The following OXGR1 variants were observed in gnomAD, a reference collection of about 807,000 sequenced individuals.
OXGR1 encodes oxoglutarate receptor 1.
A neutral mutation model predicts 10.0 loss-of-function variants in OXGR1; 10 were observed. The observed-to-expected ratio is 1.00, with a 90% CI of 0.62 to 1.70. OXGR1 has a LOEUF of 1.70. Ranked by LOEUF, OXGR1 falls within the 40% of genes most tolerant of loss-of-function variation. The pLI is 0.00. For synonymous variants in OXGR1, 191 were observed against 155.9 expected, an observed-to-expected ratio of 1.22 and a Z score of -1.68; for missense variants, 398 against 407.6, an observed-to-expected ratio of 0.98 and a Z score of 0.20.
chr13:96,986,898 T>C lies in OXGR1; in HGVS notation c.862A>G (p.Arg288Gly). The change falls in exon 4 of 4, where the codon AGA becomes GGA. Residue 288 changes from arginine to glycine, a missense_variant. Transcript: ENST00000541038. ...AAGGTGTTCAGAGCAGCTAATGGTC[T>C]AGAAACGATGTAAGCTTCATGGATC... is the stretch of plus-strand genomic sequence containing the variant. ...NQIHEAYIVS[R>G]PLAALNTFGN... is the part of the protein sequence containing the mutation. 6.2e-7 allele frequency: 1 copy of C among 1,614,168 alleles called. No individual in the cohort carries two copies. The highest frequency in any genetic ancestry group is 8.5e-7 in the Non-Finnish European group (1 of 1,180,014).
At chr13:96,988,308 G>A (rs1047693814) in intron 3 of OXGR1, among the ~76,000 whole-genome samples, 9 of 152,038 alleles carry the variant, frequency 5.9e-5, no homozygotes, top group Non-Finnish European at 1.2e-4. Context: ...CACATCTAGG[G>A]GCTTAGCTGG....
At chr13:96,993,854 C>G (rs1882182666) in intron 1 of OXGR1, among the ~76,000 whole-genome samples, 1 of 152,114 alleles carries the variant, frequency 6.6e-6, no homozygotes. Context: ...TCCAACACCA[C>G]ACAGTCCACC....
intron 2 of OXGR1, among the ~76,000 whole-genome samples, 190 bp downstream of exon 2, chr13:96,992,232 G>T (rs1006558511): frequency 6.6e-6 from 1 of 152,088 alleles, no homozygotes; most frequent in Non-Finnish European, 1.5e-5. Flanking sequence ...AAATAAAGAA[G>T]GTAAGTGGAT....
In OXGR1 at chr13:96,990,444, G is replaced by A. The variant is rs142210271; in HGVS notation, c.-126-635C>T. Among the ~76,000 whole-genome samples, 1,370 of 152,292 alleles carry A rather than the reference G, an allele frequency of 9.0e-3. 6 individuals carry two copies. The highest frequency in any genetic ancestry group is 0.037 in the Middle Eastern group (11 of 294). On this transcript the variant is annotated intron_variant, in intron 2 of 3. Transcript: ENST00000541038. The stretch of plus-strand genomic sequence containing the variant: ...CAACAGAGACGTGAGAGGAAGAGAA[G>A]GGGAGGGAATTCAAGTCCAAGCTGC...
intron 2 of OXGR1, among the ~76,000 whole-genome samples, chr13:96,990,292 A>G (rs1881987527): frequency 6.6e-6 from 1 of 152,232 alleles, no homozygotes; most frequent in Non-Finnish European, 1.5e-5. Flanking sequence ...TCCCAAAGAC[A>G]GTTCTTAGAT....
At chr13:96,990,183 C>G (rs1278494417) in intron 2 of OXGR1, among the ~76,000 whole-genome samples, 1 of 152,126 alleles carries the variant, frequency 6.6e-6, no homozygotes, top group Non-Finnish European at 1.5e-5. Context: ...TGGCTTCTCC[C>G]TTGGCAGAAT....
chr13:96,987,616 A>T lies in OXGR1; in HGVS notation c.144T>A (p.Phe48Leu), dbSNP rs753805548. 6.2e-7 allele frequency: 1 copy of T among 1,614,038 alleles called. No individual in the cohort carries two copies. Among genetic ancestry groups the T allele is most frequent in the African/African-American group, 1.3e-5 (1 of 74,944 alleles). ...VIYGIIFLVG[F>L]PGNAVVISTY... is the part of the protein sequence containing the mutation. ...TGGATATCACTACTGCATTGCCTGG[A>T]AATCCCACGAGGAAGATAATGCCAT... is the stretch of plus-strand genomic sequence containing the variant. Residue 48 changes from phenylalanine to leucine, a missense_variant, in exon 4 of 4, where the codon TTT becomes TTA. Physicochemically the swap from Phe to Leu is conservative, Grantham distance 22. Coordinates refer to ENST00000541038, the MANE Select transcript of OXGR1 (RefSeq NM_001346194.2).
In OXGR1 at chr13:96,987,487, G is replaced by A. The variant is rs930078235; in HGVS notation, c.273C>T (p.His91=). 6.2e-7 allele frequency: 1 copy of A among 1,614,224 alleles called. No homozygotes were observed. The highest frequency in any genetic ancestry group is 8.5e-7 in the Non-Finnish European group (1 of 1,180,042). Residue 91 remains histidine (H), a synonymous_variant, in exon 4 of 4, where the codon CAC becomes CAT. Transcript: ENST00000541038. ...LYLTSLPFLI[H]YYASGENWIF... ...TCCAGTTTTCGCCACTGGCATAGTA[G>A]TGAATCAGGAAGGGGAGGCTGGTCA... is the stretch of plus-strand genomic sequence containing the variant.
In OXGR1 at chr13:96,987,042, G is replaced by C; in HGVS notation, c.718C>G (p.Arg240Gly). The C allele has an allele frequency of 1.2e-6, 2 of 1,614,198 alleles. No individual in the cohort carries two copies. Among genetic ancestry groups the C allele is most frequent in the Non-Finnish European group, 1.7e-6 (2 of 1,180,016 alleles). The change falls in exon 4 of 4, where the codon CGA becomes GGA. Residue 240 changes from arginine (R) to glycine (G), a missense_variant. By Grantham distance (125) the Arg-to-Gly change is moderately radical. Coordinates refer to ENST00000541038, the MANE Select transcript of OXGR1 (RefSeq NM_001346194.2). ...AGGAGTAGCAGAATGGTTAGCCTTC[G>C]TGCTTTCTGCTTAAGGCAGCTGTCA... ...QTDSCLKQKA[R>G]RLTILLLLAF...
intron 2 of OXGR1, among the ~76,000 whole-genome samples, chr13:96,991,387 T>A (rs1177563201): frequency 1.3e-5 from 2 of 152,168 alleles, no homozygotes; most frequent in Non-Finnish European, 2.9e-5. Flanking sequence ...AAACAAATCA[T>A]TTCAACTCAA....
intron 3 of OXGR1, among the ~76,000 whole-genome samples, chr13:96,989,164 A>G (rs1364689788): frequency 6.6e-6 from 1 of 152,236 alleles, no homozygotes; most frequent in Admixed American, 6.5e-5. Flanking sequence ...TTGATGTATG[A>G]ATGGTACAAG....
chr13:96,993,176 C>T lies in OXGR1; in HGVS notation c.-277-604G>A, dbSNP rs564100326. ...CCCTTCTGGGAGCCTCAAGGCTCTTCCCTCAATCCCCACTTTATTGTTTTT... is the reference window on the plus strand; with the variant it reads ...CCCTTCTGGGAGCCTCAAGGCTCTTTCCTCAATCCCCACTTTATTGTTTTT... On this transcript the variant is annotated intron_variant, in intron 1 of 3. Transcript: ENST00000541038. 4.4e-4 allele frequency among the ~76,000 whole-genome samples: 67 copies of T among 152,232 alleles called. 2 individuals are homozygous for T. In the South Asian group the frequency reaches 0.014, roughly 32 times the overall value.
In OXGR1 at chr13:96,990,946, C is replaced by CAAAAAAAAAAAA. The variant is rs765856782; in HGVS notation, c.-126-1149_-126-1138dup. On this transcript the variant is annotated intron_variant, in intron 2 of 3. Coordinates refer to ENST00000541038, the MANE Select transcript of OXGR1 (RefSeq NM_001346194.2). ...CCTGAGTGACACAGCAAGACTCTTTCAAAAAAAAAAAAAAAAGCAAGCTTA... is the reference window on the plus strand; with the variant it reads ...CCTGAGTGACACAGCAAGACTCTTTCAAAAAAAAAAAAAAAAAAAAAAAAAAAAGCAAGCTTA... Among the ~76,000 whole-genome samples, 401 of 97,132 alleles carry CAAAAAAAAAAAA rather than the reference C, an allele frequency of 4.1e-3. 31 individuals are homozygous for CAAAAAAAAAAAA. The highest frequency in any genetic ancestry group is 0.019 in the African/African-American group (389 of 21,022). The allele number at this position is 97,132 out of a possible 152,430, so 63.7% of individuals were successfully genotyped here.
upstream of OXGR1, chr13:96,994,655 G>A (rs1475182339): frequency 6.6e-6 from 1 of 152,150 alleles, no homozygotes; most frequent in Non-Finnish European, 1.5e-5. Context: ...CCTTGTCTTG[G>A]TCCAGAAATT....
intron 2 of OXGR1, among the ~76,000 whole-genome samples, chr13:96,991,884 G>C (rs1882074332): frequency 6.6e-6 from 1 of 152,152 alleles, no homozygotes; most frequent in Admixed American, 6.6e-5. Context: ...ATACATGGTG[G>C]AGTACTATTC....
At position 96,987,292 on chromosome 13, in the gene OXGR1, C is replaced by A. The variant is rs769703270; in HGVS notation, c.468G>T (p.Val156=). ...CAGCTACCAGTGAAATGATCCACAC[C>A]ACAGCACAGGCTACAACTGCACATC... The part of the protein sequence containing the change: ...KTRCAVVACA[V]VWIISLVAVI... The change falls in exon 4 of 4, where the codon GTG becomes GTT. Residue 156 remains valine (V), a synonymous_variant. Transcript: ENST00000541038. The A allele has an allele frequency of 2.5e-6, 4 of 1,614,198 alleles. No individual in the cohort carries two copies. In the Admixed American group the frequency reaches 6.7e-5, roughly 27 times the overall value.
chr13:96,986,806 T>C lies in OXGR1; in HGVS notation c.954A>G (p.Arg318=). The C allele has an allele frequency of 6.2e-7, 1 of 1,614,028 alleles. No individual in the cohort carries two copies. The highest frequency in any genetic ancestry group is 8.5e-7 in the Non-Finnish European group (1 of 1,180,002). Reference sequence around the variant, plus strand: ...GCTCAAGGTTCCCGCTTACTTTGCATCTCACTGTTGAGCAGACAGCCTGCT... The same window carrying C: ...GCTCAAGGTTCCCGCTTACTTTGCACCTCACTGTTGAGCAGACAGCCTGCT... The part of the protein sequence containing the change: ...NFQQAVCSTV[R]CKVSGNLEQA... The change falls in exon 4 of 4, where the codon AGA becomes AGG. Residue 318 remains arginine, a synonymous_variant. Coordinates refer to ENST00000541038, the MANE Select transcript of OXGR1 (RefSeq NM_001346194.2).
intron 1 of OXGR1, among the ~76,000 whole-genome samples, chr13:96,993,438 T>C (rs1593979814): frequency 6.6e-6 from 1 of 151,970 alleles, no homozygotes; most frequent in Non-Finnish European, 1.5e-5. Flanking sequence ...GCCAGGCTGG[T>C]CTCGAACTAC....
At position 96,987,814 on chromosome 13, in the gene OXGR1, A is replaced by C; in HGVS notation, c.-55T>G. 6.6e-7 allele frequency: 1 copy of C among 1,513,948 alleles called. No individual in the cohort carries two copies. The highest frequency in any genetic ancestry group is 8.8e-7 in the Non-Finnish European group (1 of 1,132,412). The allele number at this position is 1,513,948 out of a possible 1,614,324, so 93.8% of individuals were successfully genotyped here. A position where few individuals can be genotyped will look rare whatever the true frequency, so the allele number is the denominator to read the frequency against. On this transcript the variant is annotated 5_prime_UTR_variant, in exon 4 of 4. Transcript: ENST00000541038. ...AAGAGAGTTCAGTTTGGCAATATGA[A>C]TCAAATGAGCAGTAACTCGCTGATA...
Sources: gnomAD v4.1 joint callset for allele counts (sites outside exome capture counted in the v4.1 genomes callset) on GRCh38, gnomAD v4.1.1 for gene constraint, MANE v1.5 for transcripts, NCBI Gene and HGNC (gene_info 2026-07-23, HGNC 2026-07-21) for gene names.